The following MTCL1 variants were observed in gnomAD, a reference collection of about 807,000 sequenced individuals.
MTCL1 encodes microtubule crosslinking factor 1, also known as microtubule cross-linking factor 1.
Under a neutral mutation model 141.4 loss-of-function variants are expected in MTCL1, and 79 were observed. The observed-to-expected ratio is 0.56, with a 90% CI of 0.47 to 0.67. The LOEUF (loss-of-function observed/expected upper bound fraction) is 0.67. Among genes scored for constraint, MTCL1 ranks in the 30% least tolerant of loss-of-function variants. The pLI, the probability that MTCL1 is intolerant of heterozygous loss-of-function variation, is 0.00. For missense variants in MTCL1, 2,177 were observed against 2,113.9 expected, an observed-to-expected ratio of 1.03 and a Z score of -0.59; for synonymous variants, 914 against 875.8, an observed-to-expected ratio of 1.04 and a Z score of -0.77.
At chr18:8,762,283 ATGT>A (rs748350123) in intron 4 of MTCL1, among the ~76,000 whole-genome samples, 15 of 152,224 alleles carry the variant, frequency 9.9e-5, no homozygotes, top group Non-Finnish European at 1.9e-4. Flanking sequence ...GGCACCAGGC[ATGT>A]TGCTGTGCTG....
chr18:8,829,743 T>G, intron 16 of MTCL1: 1 of 984,550 alleles, frequency 1.0e-6, no homozygotes, highest in Non-Finnish European at 1.2e-6. Context: ...ACAGGGAGGG[T>G]CAATTCCCAG....
intron 1 of MTCL1, among the ~76,000 whole-genome samples, chr18:8,709,407 T>G (rs1435514995): frequency 6.6e-6 from 1 of 152,120 alleles, no homozygotes; most frequent in Non-Finnish European, 1.5e-5. Context: ...TTGTCCAGGC[T>G]TGTCTTGAAC....
chr18:8,814,397 A>G (rs2076584899), intron 12 of MTCL1, among the ~76,000 whole-genome samples: 1 of 152,188 alleles, frequency 6.6e-6, no homozygotes, highest in Non-Finnish European at 1.5e-5. Context: ...AACTCTTCGT[A>G]GGTTTGACCA....
At chr18:8,798,127 G>T in exon 10 of MTCL1, 1 of 1,591,218 alleles carries the variant, frequency 6.3e-7, no homozygotes, top group Non-Finnish European at 8.5e-7. Flanking sequence ...CTCCAGGCTC[G>T]GGGAGCTTGG....
At chr18:8,825,945 C>A in exon 15 of MTCL1, 1 of 1,601,954 alleles carries the variant, frequency 6.2e-7, no homozygotes, top group Non-Finnish European at 8.5e-7. Context: ...CCGACCAGAG[C>A]TGGGCCCAGG....
chr18:8,767,666 G>A (rs914329626), intron 4 of MTCL1, among the ~76,000 whole-genome samples: 1 of 152,054 alleles, frequency 6.6e-6, no homozygotes, highest in African/African-American at 2.4e-5. Context: ...TTCCAGGTGA[G>A]GCGGAGCAGA....
At chr18:8,784,765 C>T (rs752502764) in exon 6 of MTCL1, 3 of 1,614,018 alleles carry the variant, frequency 1.9e-6, no homozygotes, top group East Asian at 2.2e-5. Context: ...AGTCCTCTAG[C>T]TTCCTCTCCA....
At chr18:8,720,176 A>G (rs1255592056) in intron 3 of MTCL1, 162 bp from the exon 3 acceptor site, 1 of 645,480 alleles carries the variant, frequency 1.5e-6, no homozygotes, top group Admixed American at 3.3e-5. Flanking sequence ...TTTTAAATGA[A>G]TCTCCTCCTC....
At chr18:8,816,997 G>A (rs1278259001) in intron 12 of MTCL1, among the ~76,000 whole-genome samples, 18 of 152,212 alleles carry the variant, frequency 1.2e-4, no homozygotes, top group Admixed American at 9.8e-4. Context: ...CTAACACTTA[G>A]CAGCTTGAGT....
chr18:8,780,153 G>A (rs960967584), intron 5 of MTCL1, among the ~76,000 whole-genome samples: 1 of 152,182 alleles, frequency 6.6e-6, no homozygotes, highest in African/African-American at 2.4e-5. Context: ...GACCCCCAGG[G>A]GTTGGTCGTA....
chr18:8,786,160 C>A, intron 7 of MTCL1, 69 bp downstream of exon 6: 2 of 1,336,982 alleles, frequency 1.5e-6, no homozygotes, highest in Non-Finnish European at 2.0e-6. Flanking sequence ...GGCTGTGTGA[C>A]GTTTTCTGTC....
intron 11 of MTCL1, among the ~76,000 whole-genome samples, chr18:8,811,897 C>G (rs925771418): frequency 5.9e-5 from 9 of 152,222 alleles, no homozygotes; most frequent in Non-Finnish European, 1.2e-4. Context: ...CACTGAACAG[C>G]AAGCTGTTGT....
chr18:8,726,492 A>AGC (rs1363394890), intron 4 of MTCL1, among the ~76,000 whole-genome samples: 53 of 110,996 alleles, frequency 4.8e-4, no homozygotes, highest in African/African-American at 1.3e-3. Flanking sequence ...AGAGAGAGAG[A>AGC]GAGCGCGCGC....
intron 4 of MTCL1, among the ~76,000 whole-genome samples, chr18:8,748,462 G>A (rs1476148800): frequency 6.6e-6 from 1 of 152,100 alleles, no homozygotes; most frequent in Non-Finnish European, 1.5e-5. Flanking sequence ...AGGATCGTTT[G>A]AGCGCGGGAG....
At chr18:8,729,192 G>A (rs925688932) in intron 4 of MTCL1, among the ~76,000 whole-genome samples, 8 of 112,148 alleles carry the variant, frequency 7.1e-5, no homozygotes, top group Admixed American at 3.5e-4. Context: ...CCGGCCCCGA[G>A]TAGCTAGGCT....
intron 4 of MTCL1, among the ~76,000 whole-genome samples, chr18:8,736,055 TCTC>T (rs751843911): frequency 2.6e-5 from 4 of 152,294 alleles, no homozygotes; most frequent in South Asian, 2.1e-4. Context: ...ATTAAGTCCT[TCTC>T]CTCACTTTTT....
chr18:8,729,546 TTA>T (rs957504502), intron 4 of MTCL1, among the ~76,000 whole-genome samples: 9 of 151,246 alleles, frequency 6.0e-5, no homozygotes, highest in African/African-American at 2.2e-4. Flanking sequence ...AGGACTAGAG[TTA>T]TACGCCACCG....
intron 11 of MTCL1, chr18:8,811,368 C>T (rs962509161): frequency 6.6e-6 from 1 of 152,216 alleles, no homozygotes. Context: ...ACAGTCCACC[C>T]ACATGACCCA....
chr18:8,758,035 T>A (rs1206709471), intron 4 of MTCL1, among the ~76,000 whole-genome samples: 1 of 151,514 alleles, frequency 6.6e-6, no homozygotes, highest in Non-Finnish European at 1.5e-5. Flanking sequence ...TTTTTTTTTT[T>A]TTTTGAGACA....
Sources: gnomAD v4.1 joint callset for allele counts (sites outside exome capture counted in the v4.1 genomes callset) on GRCh38, gnomAD v4.1.1 for gene constraint, MANE v1.5 for transcripts, NCBI Gene and HGNC (gene_info 2026-07-23, HGNC 2026-07-21) for gene names.